RGS6: variants seen among roughly 807,000 people sequenced by gnomAD.
RGS6 encodes regulator of G-protein signaling 6.
A neutral mutation model predicts 78.5 loss-of-function variants in RGS6; 30 were observed. The ratio of observed to expected loss-of-function variants is 0.38; its 90% CI spans 0.29 to 0.52. RGS6 has a LOEUF of 0.52. Among genes scored for constraint, RGS6 ranks in the 20% least tolerant of loss-of-function variants. The pLI is 0.85. For missense variants in RGS6, 495 were observed against 609.7 expected, an observed-to-expected ratio of 0.81 and a Z score of 1.98; for synonymous variants, 206 against 206.0, an observed-to-expected ratio of 1.00 and a Z score of 0.00.
rs150819662 is a variant in RGS6 at position 72,561,014 on chromosome 14, C to T, written c.1423-1403C>T. ...TCTATAGCACCAGAATTCTCAAAGT[C>T]AGGCTGGCCATGCCTCTCCATGGAG... On this transcript the variant is annotated intron_variant, in intron 17 of 17. Transcript: ENST00000553525. Among the ~76,000 whole-genome samples the T allele has an allele frequency of 4.6e-3, 697 of 151,874 alleles. 7 individuals carry two copies. Among genetic ancestry groups the T allele is most frequent in the African/African-American group, 0.016 (666 of 41,132 alleles).
intron 2 of RGS6, among the ~76,000 whole-genome samples, chr14:72,068,095 C>A (rs1326012831): frequency 6.6e-6 from 1 of 151,692 alleles, no homozygotes; most frequent in African/African-American, 2.4e-5. Flanking sequence ...GAAAGTGAGC[C>A]CAGATTACAC....
At chr14:72,223,123 A>G (rs150348996) in intron 2 of RGS6, among the ~76,000 whole-genome samples, 2 of 152,294 alleles carry the variant, frequency 1.3e-5, no homozygotes, top group East Asian at 1.9e-4. Flanking sequence ...TGTTGATGAA[A>G]TTTTCTCGTT....
At chr14:72,075,588 C>T (rs1162251632) in intron 2 of RGS6, among the ~76,000 whole-genome samples, 1 of 151,938 alleles carries the variant, frequency 6.6e-6, no homozygotes, top group East Asian at 1.9e-4. Context: ...AGTAAAGGAC[C>T]AGAGAAAATG....
chr14:72,504,640 C>T (rs1041531955), intron 13 of RGS6, among the ~76,000 whole-genome samples: 1 of 152,098 alleles, frequency 6.6e-6, no homozygotes, highest in Non-Finnish European at 1.5e-5. Flanking sequence ...TTATAGCTCT[C>T]CTCTTTACTT....
intron 6 of RGS6, among the ~76,000 whole-genome samples, chr14:72,460,489 T>A (rs2238182): frequency 0.41 from 62,718 of 152,026 alleles, 14,331 homozygotes; most frequent in East Asian, 0.76. Context: ...TCAGTAAATA[T>A]CCACTGACAG....
At chr14:72,334,151 A>G (rs1027056761) in intron 2 of RGS6, among the ~76,000 whole-genome samples, 8 of 152,204 alleles carry the variant, frequency 5.3e-5, no homozygotes, top group African/African-American at 1.9e-4. Flanking sequence ...GCCCCGTGGG[A>G]ACGGAAAGGA....
intron 15 of RGS6, among the ~76,000 whole-genome samples, chr14:72,534,145 C>A (rs1196526958): frequency 6.6e-6 from 1 of 152,196 alleles, no homozygotes; most frequent in Non-Finnish European, 1.5e-5. Flanking sequence ...GCAATCACCA[C>A]CCTAATCAGT....
intron 2 of RGS6, among the ~76,000 whole-genome samples, chr14:72,349,672 A>G (rs190730807): frequency 1.3e-5 from 2 of 152,304 alleles, no homozygotes; most frequent in Admixed American, 6.5e-5. Flanking sequence ...AATTGTGGGC[A>G]AACATAAGGA....
intron 2 of RGS6, among the ~76,000 whole-genome samples, chr14:72,213,337 C>A (rs2044655700): frequency 1.3e-5 from 2 of 152,162 alleles, no homozygotes; most frequent in Admixed American, 1.3e-4. Context: ...ACACTGTATA[C>A]TAGGCTAAGT....
intron 7 of RGS6, among the ~76,000 whole-genome samples, chr14:72,467,983 T>C (rs2095968229): frequency 6.6e-6 from 1 of 152,174 alleles, no homozygotes; most frequent in African/African-American, 2.4e-5. Flanking sequence ...CTCTTCCCCA[T>C]ATTTTCAATG....
intron 1 of RGS6, among the ~76,000 whole-genome samples, chr14:71,939,346 A>G (rs2090112419): frequency 6.6e-6 from 1 of 152,180 alleles, no homozygotes; most frequent in Non-Finnish European, 1.5e-5. Flanking sequence ...TGGCTTGCAA[A>G]TGTCTCACCA....
At chr14:72,541,717 C>A in intron 17 of RGS6, 1 of 1,330,934 alleles carries the variant, frequency 7.5e-7, no homozygotes, top group Non-Finnish European at 1.0e-6. Context: ...GCCAAGGGTG[C>A]CTGTGTAAGC....
chr14:71,988,941 C>G (rs1305040051), intron 2 of RGS6, among the ~76,000 whole-genome samples: 1 of 152,130 alleles, frequency 6.6e-6, no homozygotes, highest in African/African-American at 2.4e-5. Context: ...TATGCCAGTA[C>G]ATTATTGATG....
At chr14:72,559,467 G>T (rs904094247) in intron 17 of RGS6, among the ~76,000 whole-genome samples, 1 of 152,214 alleles carries the variant, frequency 6.6e-6, no homozygotes, top group African/African-American at 2.4e-5. Flanking sequence ...CCTCACTCAC[G>T]CGGGAGGTCA....
intron 17 of RGS6, chr14:72,541,125 G>C: frequency 7.3e-7 from 1 of 1,367,098 alleles, no homozygotes; most frequent in Non-Finnish European, 9.7e-7. Context: ...GTCCCATGCA[G>C]GGAGCTGGCC....
chr14:72,215,167 TA>T (rs1424279977), intron 2 of RGS6, among the ~76,000 whole-genome samples: 4 of 152,236 alleles, frequency 2.6e-5, no homozygotes, highest in African/African-American at 7.2e-5. Context: ...CAGGGGCTGC[TA>T]TCCACTCTTC....
chr14:72,454,401 T>C (rs2095576522), intron 3 of RGS6, 127 bp from the exon 4 acceptor site: 2 of 894,490 alleles, frequency 2.2e-6, no homozygotes, highest in African/African-American at 1.6e-5. Flanking sequence ...CAAAAAAAAG[T>C]GCCCATATTA....
At chr14:72,374,814 T>C (rs1048461643) in intron 3 of RGS6, among the ~76,000 whole-genome samples, 2 of 152,232 alleles carry the variant, frequency 1.3e-5, no homozygotes, top group African/African-American at 4.8e-5. Context: ...GGTAACTATC[T>C]GCAGTTCCAT....
chr14:72,570,208 T>C (rs1189080617), downstream of RGS6, among the ~76,000 whole-genome samples: 2 of 152,228 alleles, frequency 1.3e-5, no homozygotes, highest in Non-Finnish European at 2.9e-5. Context: ...TACATTGTAT[T>C]AAGTATTATA....
Sources: gnomAD v4.1 joint callset for allele counts (sites outside exome capture counted in the v4.1 genomes callset) on GRCh38, gnomAD v4.1.1 for gene constraint, MANE v1.5 for transcripts, NCBI Gene and HGNC (gene_info 2026-07-23, HGNC 2026-07-21) for gene names.